UGT1A3: variants seen among roughly 807,000 people sequenced by gnomAD.
UGT1A3 encodes the protein UDP-glucuronosyltransferase 1A3.
In UGT1A3, 31 loss-of-function variants were observed where a neutral mutation model predicts 41.0. That is an observed-to-expected ratio of 0.76 (90% confidence interval 0.57 to 1.02). UGT1A3 has a LOEUF of 1.02. UGT1A3 is among the 50% of genes least tolerant of loss of function. The probability of loss-of-function intolerance (pLI) is 0.00; values close to 1 mark genes in which losing one functional copy is unlikely to be tolerated. For synonymous variants in UGT1A3, 262 were observed against 257.6 expected, an observed-to-expected ratio of 1.02 and a Z score of -0.17; for missense variants, 737 against 671.0, an observed-to-expected ratio of 1.10 and a Z score of -1.09.
rs376887521 is a variant in UGT1A3, at chr2:233,757,535, A to AATATATATACATATACAT, written c.868-9490_868-9489insCATATACATATATATATA. On this transcript the variant is annotated intron_variant, in intron 1 of 4. Transcript: ENST00000482026. ...CAAAGCCAAAATCTTGCCTGTAAGG[A>AATATATATACATATACAT]ATATATATATATATATATATATATA... 8.8e-4 allele frequency among the ~76,000 whole-genome samples: 78 copies of AATATATATACATATACAT among 88,252 alleles called. 1 individual carries two copies. The highest frequency in any genetic ancestry group is 1.7e-3 in the African/African-American group (33 of 19,924). 57.9% of individuals were successfully genotyped at this position (88,252 alleles called of 152,430 possible). A position where few individuals can be genotyped will look rare whatever the true frequency, so the allele number is the denominator to read the frequency against.
At position 233,772,297 on chromosome 2, in the gene UGT1A3, A is replaced by G; in HGVS notation, c.1343A>G (p.His448Arg). ...AACATCATGCGCCTCTCCAGCCTTC[A>G]CAAGGACCGCCCGGTGGAGCCGCTG... is the stretch of plus-strand genomic sequence containing the variant. ...KENIMRLSSL[H>R]KDRPVEPLDL... Residue 448 changes from histidine to arginine, a missense_variant, in exon 5 of 5, where the codon CAC becomes CGC. Coordinates refer to ENST00000482026, the MANE Select transcript of UGT1A3 (RefSeq NM_019093.4). The G allele has an allele frequency of 1.2e-6, 2 of 1,614,224 alleles. No homozygotes were observed. The highest frequency in any genetic ancestry group is 1.7e-6 in the Non-Finnish European group (2 of 1,180,032).
At chr2:233,749,248 AT>A (rs1216234192) in intron 1 of UGT1A3, among the ~76,000 whole-genome samples, 1 of 151,808 alleles carries the variant, frequency 6.6e-6, no homozygotes, top group Admixed American at 6.6e-5. Flanking sequence ...AAACCACATG[AT>A]TTTTTTATTG....
chr2:233,744,799 C>T (rs571960868), intron 1 of UGT1A3, among the ~76,000 whole-genome samples: 2 of 151,914 alleles, frequency 1.3e-5, no homozygotes, highest in East Asian at 3.9e-4. Flanking sequence ...CTTGGGGATC[C>T]CTAGGATTTC....
Position 233,769,397 on chromosome 2 carries a change from A to T in UGT1A3, c.1307+958A>T, listed in dbSNP as rs1699854250. ...TCATCCGACAATAGATACTGTGTGC[A>T]TATGTGCGTGTGCGTTTGTGCATGT... is the stretch of plus-strand genomic sequence containing the variant. On this transcript the variant is annotated intron_variant, in intron 4 of 4. Transcript: ENST00000482026. This position sits in a 1 kb window ranked among gnomAD's most constrained non-coding sequence, Gnocchi z 4.4. 1.7e-6 allele frequency: 2 copies of T among 1,148,656 alleles called. No individual in the cohort carries two copies. Among genetic ancestry groups the T allele is most frequent in the East Asian group, 2.5e-5 (1 of 39,850 alleles). 71.2% of individuals were successfully genotyped at this position (1,148,656 alleles called of 1,614,324 possible).
In UGT1A3 at chr2:233,729,122, C is replaced by T. The variant is rs559883875; in HGVS notation, c.-5C>T. The T allele has an allele frequency of 1.6e-5, 26 of 1,613,092 alleles. No individual in the cohort carries two copies. Among genetic ancestry groups the T allele is most frequent in the Middle Eastern group, 3.8e-4 (2 of 5,234 alleles). ...GACAGTCAGCTGTCCGTGTCTTCTGCTGAGATGGCCACAGGACTCCAGGTT... is the reference window on the plus strand; with the variant it reads ...GACAGTCAGCTGTCCGTGTCTTCTGTTGAGATGGCCACAGGACTCCAGGTT... On this transcript the variant is annotated 5_prime_UTR_variant, in exon 1 of 5. Transcript: ENST00000482026.
At position 233,772,917 on chromosome 2, in the gene UGT1A3, G is replaced by A. The variant is rs930433907; in HGVS notation, c.*358G>A. ...TCCCACGGCTGCCCCTACTGCAAAT[G>A]GCAGTTTTAATCTTATCTTTTGGCT... On this transcript the variant is annotated 3_prime_UTR_variant, in exon 5 of 5. Coordinates refer to ENST00000482026, the MANE Select transcript of UGT1A3 (RefSeq NM_019093.4). The A allele has an allele frequency of 5.3e-6, 2 of 380,130 alleles. No individual in the cohort carries two copies. The highest frequency in any genetic ancestry group is 9.3e-6 in the Non-Finnish European group (2 of 215,476). The allele number at this position is 380,130 out of a possible 1,614,324, so 23.5% of individuals were successfully genotyped here.
At chr2:233,754,243 C>T (rs1695428431) in intron 1 of UGT1A3, 1 of 170,446 alleles carries the variant, frequency 5.9e-6, no homozygotes. Flanking sequence ...CTCACACTTT[C>T]CCAACGGAAA....
chr2:233,729,955 G>A lies in UGT1A3; in HGVS notation c.829G>A (p.Gly277Arg). 6.2e-7 allele frequency: 1 copy of A among 1,614,014 alleles called. No individual in the cohort carries two copies. The highest frequency in any genetic ancestry group is 1.3e-5 in the African/African-American group (1 of 75,038). The change falls in exon 1 of 5, where the codon GGG becomes AGG. Residue 277 changes from glycine to arginine, a missense_variant. Physicochemically the swap from Gly to Arg is moderately radical, Grantham distance 125. Coordinates refer to ENST00000482026, the MANE Select transcript of UGT1A3 (RefSeq NM_019093.4). ...RPIMPNMVFIGGINCANRKPL... is the reference protein window; with the variant it reads ...RPIMPNMVFIRGINCANRKPL... The stretch of plus-strand genomic sequence containing the variant: ...AATCATGCCCAACATGGTCTTCATT[G>A]GGGGCATCAACTGTGCCAACAGGAA...
intron 1 of UGT1A3, among the ~76,000 whole-genome samples, chr2:233,731,455 G>A (rs1469328234): frequency 6.6e-6 from 1 of 152,026 alleles, no homozygotes; most frequent in Non-Finnish European, 1.5e-5. Context: ...CCCACAACAG[G>A]CCCTGGCGTG....
intron 1 of UGT1A3, among the ~76,000 whole-genome samples, chr2:233,736,048 T>A (rs909301616): frequency 6.6e-6 from 1 of 152,208 alleles, no homozygotes; most frequent in African/African-American, 2.4e-5. Context: ...TGAATTTGAA[T>A]GTTGGCCTGC....
chr2:233,741,097 A>C (rs1691564364), intron 1 of UGT1A3, among the ~76,000 whole-genome samples: 1 of 151,840 alleles, frequency 6.6e-6, no homozygotes, highest in South Asian at 2.1e-4. Flanking sequence ...ACAAGCAAAC[A>C]GACAATCAAG....
intron 1 of UGT1A3, among the ~76,000 whole-genome samples, chr2:233,749,940 G>A (rs145039541): frequency 4.6e-5 from 7 of 151,802 alleles, no homozygotes; most frequent in Non-Finnish European, 7.3e-5. Context: ...TTTCCTTTAT[G>A]AATTACCGAG....
chr2:233,737,358 T>G (rs955996652), intron 1 of UGT1A3, among the ~76,000 whole-genome samples: 1 of 152,234 alleles, frequency 6.6e-6, no homozygotes, highest in African/African-American at 2.4e-5. Flanking sequence ...TGGGAGCTGC[T>G]AAGCCAGGCA....
At chr2:233,738,036 C>T (rs28899194) in intron 1 of UGT1A3, among the ~76,000 whole-genome samples, 5,195 of 152,206 alleles carry the variant, frequency 0.034, 100 homozygotes, top group African/African-American at 0.051. Context: ...ATAATCCCCA[C>T]GTGTTGAGGA....
In UGT1A3 at chr2:233,729,329, A is replaced by G; in HGVS notation, c.203A>G (p.His68Arg). The change falls in exon 1 of 5, where the codon CAC (histidine) becomes CGC (arginine). Residue 68 changes from histidine (H) to arginine (R), a missense_variant. By Grantham distance (29) the His-to-Arg change is conservative. Transcript: ENST00000482026. ...GTCCTCACCCCAGAGGTGAATATGCACATCAAAGAAGAGAACTTTTTCACC... is the reference window on the plus strand; with the variant it reads ...GTCCTCACCCCAGAGGTGAATATGCGCATCAAAGAAGAGAACTTTTTCACC... ...AVVLTPEVNM[H>R]IKEENFFTLT... 6.2e-7 allele frequency: 1 copy of G among 1,614,260 alleles called. No individual in the cohort carries two copies. The highest frequency in any genetic ancestry group is 2.2e-5 in the East Asian group (1 of 44,888).
chr2:233,767,743 A>G (rs543873419), intron 2 of UGT1A3, 106 bp from the exon 3 acceptor site: 2 of 1,585,594 alleles, frequency 1.3e-6, no homozygotes, highest in South Asian at 2.3e-5. Flanking sequence ...CACTCTGTTA[A>G]AGACTGTTCC....
At chr2:233,764,343 C>T (rs1313396621) in intron 1 of UGT1A3, among the ~76,000 whole-genome samples, 1 of 152,116 alleles carries the variant, frequency 6.6e-6, no homozygotes. Context: ...TGGACTTCAC[C>T]TTTATTGAGC....
At chr2:233,744,136 G>C (rs1692703742) in intron 1 of UGT1A3, 1 of 352,210 alleles carries the variant, frequency 2.8e-6, no homozygotes, top group East Asian at 7.7e-5. Flanking sequence ...GTGAGGCCCT[G>C]TGATGCTCCA....
rs753289474 is a variant in UGT1A3 at position 233,769,632 on chromosome 2, G to C, written c.1307+1193G>C. ...CACCAGCTTGAGCAAGGGACAACAG[G>C]GGAGGACTGATGACTGACTTCCCAC... On this transcript the variant is annotated intron_variant, in intron 4 of 4. Transcript: ENST00000482026. This position sits in a 1 kb window ranked among gnomAD's most constrained non-coding sequence, Gnocchi z 4.4. The C allele has an allele frequency of 1.7e-5, 27 of 1,611,424 alleles. No individual in the cohort carries two copies. Among genetic ancestry groups the C allele is most frequent in the Non-Finnish European group, 1.8e-5 (21 of 1,179,338 alleles).
Sources: allele counts gnomAD v4.1 joint callset (sites outside exome capture counted in the v4.1 genomes callset), GRCh38; gene constraint gnomAD v4.1.1; non-coding constraint Gnocchi (gnomAD v3.1); transcripts MANE v1.5; gene names NCBI Gene and HGNC (gene_info 2026-07-23, HGNC 2026-07-21).